TXN: variants seen among roughly 807,000 people sequenced by gnomAD.
The protein encoded by TXN is ADF.
TXN carries 10 observed loss-of-function variants against 16.5 expected under a neutral mutation model. The ratio of observed to expected loss-of-function variants is 0.61; its 90% CI spans 0.37 to 1.03. The LOEUF is 1.03. Among genes scored for constraint, TXN ranks in the 50% least tolerant of loss-of-function variants. The pLI is 0.01. For missense variants in TXN, 71 were observed against 122.5 expected, an observed-to-expected ratio of 0.58 and a Z score of 1.98; for synonymous variants, 35 against 39.4, an observed-to-expected ratio of 0.89 and a Z score of 0.42.
At chr9:110,253,083 AC>A (rs747501986) in intron 1 of TXN, among the ~76,000 whole-genome samples, 103 of 147,422 alleles carry the variant, frequency 7.0e-4, no homozygotes, top group Middle Eastern at 3.4e-3. Flanking sequence ...CCCGCCCCCC[AC>A]CGCCACAAGA....
Position 110,256,288 on chromosome 9 carries a change from G to T in TXN, c.24+124C>A. 1 of 1,069,542 alleles carries T rather than the reference G, an allele frequency of 9.3e-7. No individual in the cohort carries two copies. Among genetic ancestry groups the T allele is most frequent in the Non-Finnish European group, 1.4e-6 (1 of 727,228 alleles). 66.3% of individuals were successfully genotyped at this position (1,069,542 alleles called of 1,614,324 possible). A position where few individuals can be genotyped will look rare whatever the true frequency, so the allele number is the denominator to read the frequency against. The stretch of plus-strand genomic sequence containing the variant: ...CCGAGACGCCGCGTCCCTTTCCCCT[G>T]GCGATGCGGAGGGGCGGCCTCCGCA... On this transcript the variant is annotated intron_variant, in intron 1 of 4. Coordinates refer to ENST00000374517, the MANE Select transcript of TXN (RefSeq NM_003329.4). The surrounding 1 kb of genome is among the most constrained non-coding windows in gnomAD (Gnocchi z 4.2).
Position 110,255,486 on chromosome 9 carries a change from C to T in TXN, c.24+926G>A, listed in dbSNP as rs113787966. Among the ~76,000 whole-genome samples, 205 of 152,342 alleles carry T rather than the reference C, an allele frequency of 1.3e-3. 3 individuals carry two copies. The highest frequency in any genetic ancestry group is 4.5e-3 in the African/African-American group (186 of 41,582). ...AACAACGATCGGGATACCGATAGGT[C>T]GGCGAGCAGGCAGCAGGGCGCGGCT... On this transcript the variant is annotated intron_variant, in intron 1 of 4. Coordinates refer to ENST00000374517, the MANE Select transcript of TXN (RefSeq NM_003329.4).
chr9:110,253,480 C>T (rs1310619905), intron 1 of TXN, among the ~76,000 whole-genome samples: 2 of 152,122 alleles, frequency 1.3e-5, no homozygotes, highest in Non-Finnish European at 2.9e-5. Flanking sequence ...TCCTTTATTG[C>T]AAGATCCAGG....
At chr9:110,254,233 A>G (rs886996837) in intron 1 of TXN, among the ~76,000 whole-genome samples, 1 of 152,240 alleles carries the variant, frequency 6.6e-6, no homozygotes. Context: ...ACATTTACAA[A>G]TAACAGGCTG....
intron 1 of TXN, among the ~76,000 whole-genome samples, chr9:110,255,339 G>C (rs1227857973): frequency 6.6e-6 from 1 of 152,236 alleles, no homozygotes; most frequent in East Asian, 1.9e-4. Flanking sequence ...TTTCTGGAGT[G>C]GCTACATTGG....
At chr9:110,255,164 G>T (rs917987381) in intron 1 of TXN, among the ~76,000 whole-genome samples, 1 of 152,206 alleles carries the variant, frequency 6.6e-6, no homozygotes, top group African/African-American at 2.4e-5. Context: ...AGCCCACCCG[G>T]CACCAAACAG....
At chr9:110,245,657 T>A (rs1177609996) in intron 3 of TXN, among the ~76,000 whole-genome samples, 68 of 97,594 alleles carry the variant, frequency 7.0e-4, no homozygotes, top group East Asian at 4.1e-3. Flanking sequence ...TATATATATT[T>A]TTTTTTTTTT....
intron 3 of TXN, among the ~76,000 whole-genome samples, chr9:110,246,043 C>T (rs918768207): frequency 3.3e-5 from 5 of 151,784 alleles, no homozygotes; most frequent in Admixed American, 1.3e-4. Context: ...CCAGCCTGGG[C>T]GACAGAATGA....
At chr9:110,252,782 T>C (rs1189464713) in intron 1 of TXN, among the ~76,000 whole-genome samples, 11 of 152,070 alleles carry the variant, frequency 7.2e-5, no homozygotes, top group Non-Finnish European at 5.9e-5. Flanking sequence ...GTAGCTGGGA[T>C]TACAAGCCTC....
chr9:110,248,864 G>A (rs1461868526), intron 3 of TXN, among the ~76,000 whole-genome samples: 6 of 152,206 alleles, frequency 3.9e-5, no homozygotes, highest in African/African-American at 1.4e-4. Context: ...GATAATCCCA[G>A]CACTTTGGGA....
intron 1 of TXN, among the ~76,000 whole-genome samples, chr9:110,253,730 G>A (rs575587457): frequency 9.0e-4 from 137 of 152,280 alleles, no homozygotes; most frequent in African/African-American, 2.9e-3. Flanking sequence ...TACACCCCAC[G>A]TATGTGCAGG....
In TXN at chr9:110,256,148, A is replaced by G. The variant is rs1837806883; in HGVS notation, c.24+264T>C. ...TCCCCCGAGGAACAGGGTGCGAGAA[A>G]CGCTGGGCACCGCCACTCCGCCCTC... On this transcript the variant is annotated intron_variant, in intron 1 of 4. Coordinates refer to ENST00000374517, the MANE Select transcript of TXN (RefSeq NM_003329.4). This position sits in a 1 kb window ranked among gnomAD's most constrained non-coding sequence, Gnocchi z 4.2. 6.6e-6 allele frequency among the ~76,000 whole-genome samples: 1 copy of G among 151,960 alleles called. No individual in the cohort carries two copies. The highest frequency in any genetic ancestry group is 6.5e-5 in the Admixed American group (1 of 15,276).
intron 3 of TXN, among the ~76,000 whole-genome samples, chr9:110,245,397 C>T (rs1199056771): frequency 2.6e-5 from 4 of 151,086 alleles, no homozygotes; most frequent in Admixed American, 1.3e-4. Context: ...TAACCCCACA[C>T]TGGGTTTACT....
chr9:110,254,064 T>C (rs945794275), intron 1 of TXN, among the ~76,000 whole-genome samples: 3 of 152,144 alleles, frequency 2.0e-5, no homozygotes, highest in African/African-American at 7.2e-5. Flanking sequence ...AAAGTGTTTA[T>C]TTCTTCCTCA....
intron 1 of TXN, among the ~76,000 whole-genome samples, chr9:110,254,091 T>A (rs988395758): frequency 6.6e-6 from 1 of 152,120 alleles, no homozygotes; most frequent in Non-Finnish European, 1.5e-5. Context: ...TTACAGTCAA[T>A]TATTCCATTC....
At chr9:110,252,209 C>T (rs115820838) in intron 1 of TXN, among the ~76,000 whole-genome samples, 4,180 of 109,292 alleles carry the variant, frequency 0.038, 229 homozygotes, top group African/African-American at 0.13. Context: ...GGGCAATAGA[C>T]GGAGACTCTG....
chr9:110,255,362 G>A (rs1338998550), intron 1 of TXN, among the ~76,000 whole-genome samples: 6 of 152,240 alleles, frequency 3.9e-5, no homozygotes, highest in South Asian at 2.1e-4. Flanking sequence ...TAGACACTGC[G>A]CGTTAGGCTC....
At chr9:110,250,752 A>G (rs1837722695) in intron 3 of TXN, 68 bp downstream of exon 3, 2 of 1,160,448 alleles carry the variant, frequency 1.7e-6, no homozygotes, top group Non-Finnish European at 2.5e-6. Flanking sequence ...GGAAAAAAGC[A>G]CTGTGCAATT....
Position 110,256,443 on chromosome 9 carries a change from G to A in TXN, c.-8C>T, listed in dbSNP as rs962537712. The stretch of plus-strand genomic sequence containing the variant: ...CTCGATCTGCTTCACCATCTTGGCT[G>A]CTGGAGTCTGACGAGCGGCTGTAAG... On this transcript the variant is annotated 5_prime_UTR_variant, in exon 1 of 5. Coordinates refer to ENST00000374517, the MANE Select transcript of TXN (RefSeq NM_003329.4). This position sits in a 1 kb window ranked among gnomAD's most constrained non-coding sequence, Gnocchi z 4.2. The A allele has an allele frequency of 6.2e-7, 1 of 1,606,228 alleles. No homozygotes were observed. The highest frequency in any genetic ancestry group is 2.3e-5 in the East Asian group (1 of 44,428).
Sources: allele counts gnomAD v4.1 joint callset (sites outside exome capture counted in the v4.1 genomes callset), GRCh38; gene constraint gnomAD v4.1.1; non-coding constraint Gnocchi (gnomAD v3.1); transcripts MANE v1.5; gene names NCBI Gene and HGNC (gene_info 2026-07-23, HGNC 2026-07-21).